VSTM2B: variants seen among roughly 807,000 people sequenced by gnomAD.
VSTM2B encodes the protein V-set and transmembrane domain containing 2B.
Under a neutral mutation model 24.0 loss-of-function variants are expected in VSTM2B, and 24 were observed. The ratio of observed to expected loss-of-function variants is 1.00; its 90% CI spans 0.72 to 1.40. The LOEUF (loss-of-function observed/expected upper bound fraction) is 1.40. VSTM2B is among the 40% of genes most tolerant of loss of function. The probability of loss-of-function intolerance (pLI) is 0.00; values close to 1 mark genes in which losing one functional copy is unlikely to be tolerated. For missense variants in VSTM2B, 399 were observed against 416.4 expected (o/e 0.96, Z 0.36); for synonymous variants, 226 against 194.4 (o/e 1.16, Z -1.35).
chr19:29,561,678 C>T (rs1226555653), intron 4 of VSTM2B, among the ~76,000 whole-genome samples: 1 of 152,134 alleles, frequency 6.6e-6, no homozygotes, highest in African/African-American at 2.4e-5. Context: ...CCCATGGGAC[C>T]AGTCTGGCTG....
At chr19:29,534,020 A>G (rs542087988) in intron 4 of VSTM2B, among the ~76,000 whole-genome samples, 1 of 152,332 alleles carries the variant, frequency 6.6e-6, no homozygotes, top group Admixed American at 6.5e-5. Flanking sequence ...AGAGGATATC[A>G]ACCAGGGTGC....
At chr19:29,529,385 C>A (rs888651783) in intron 3 of VSTM2B, among the ~76,000 whole-genome samples, 2 of 152,068 alleles carry the variant, frequency 1.3e-5, no homozygotes, top group African/African-American at 4.8e-5. Context: ...CCGGCTGGGG[C>A]GGGACTGTCG....
At chr19:29,553,397 G>A (rs1233548216) in intron 4 of VSTM2B, among the ~76,000 whole-genome samples, 1 of 152,170 alleles carries the variant, frequency 6.6e-6, no homozygotes, top group Non-Finnish European at 1.5e-5. Context: ...CAAACAAACA[G>A]AAAGCAACAA....
In VSTM2B at chr19:29,526,551, G is replaced by T; in HGVS notation, c.-33G>T. 2 of 1,485,078 alleles carry T rather than the reference G, an allele frequency of 1.3e-6. No homozygotes were observed. Among genetic ancestry groups the T allele is most frequent in the Non-Finnish European group, 8.9e-7 (1 of 1,119,820 alleles). The allele number at this position is 1,485,078 out of a possible 1,614,324, so 92.0% of individuals were successfully genotyped here. A position where few individuals can be genotyped will look rare whatever the true frequency, so the allele number is the denominator to read the frequency against. ...ACGCGGCCGCCGCCTCTCCGCTCCC[G>T]GGCCCCCGCCGCCACCGCGCCCCCC... On this transcript the variant is annotated 5_prime_UTR_variant, in exon 1 of 5. Transcript: ENST00000335523. This position sits in a 1 kb window ranked among gnomAD's most constrained non-coding sequence, Gnocchi z 4.1.
rs545823641 is a variant in VSTM2B at position 29,535,302 on chromosome 19, G to A, written c.769+5012G>A. ...AACACTTCTAAATGGAAAAGGCACCGCAGTAAAGTCTAGCGCGGCCTCAAA... is the reference window on the plus strand; with the variant it reads ...AACACTTCTAAATGGAAAAGGCACCACAGTAAAGTCTAGCGCGGCCTCAAA... On this transcript the variant is annotated intron_variant, in intron 4 of 4. Coordinates refer to ENST00000335523, the MANE Select transcript of VSTM2B (RefSeq NM_001146339.2). Among the ~76,000 whole-genome samples, 19 of 152,306 alleles carry A rather than the reference G, an allele frequency of 1.2e-4. No homozygotes were observed. The South Asian group carries it at 1.9e-3, about 15-fold the overall frequency.
chr19:29,545,993 G>C (rs539689383), intron 4 of VSTM2B, among the ~76,000 whole-genome samples: 1 of 152,150 alleles, frequency 6.6e-6, no homozygotes, highest in Non-Finnish European at 1.5e-5. Context: ...TGCTGCCCCC[G>C]CCCAGGTGAG....
intron 4 of VSTM2B, among the ~76,000 whole-genome samples, chr19:29,557,623 C>T (rs544638925): frequency 5.3e-4 from 80 of 151,364 alleles, no homozygotes; most frequent in African/African-American, 1.7e-3. Flanking sequence ...TGCTTGAACC[C>T]GGGAGGTGGA....
intron 4 of VSTM2B, among the ~76,000 whole-genome samples, chr19:29,531,967 G>A (rs531005851): frequency 2.0e-5 from 3 of 152,238 alleles, no homozygotes; most frequent in East Asian, 1.9e-4. Context: ...CATAGAGCCA[G>A]CAGACCAGTG....
At chr19:29,538,781 A>G (rs1222921212) in intron 4 of VSTM2B, among the ~76,000 whole-genome samples, 3 of 152,142 alleles carry the variant, frequency 2.0e-5, no homozygotes, top group Admixed American at 6.5e-5. Flanking sequence ...ACCAGCTGTC[A>G]TGTGAAGTAA....
At chr19:29,550,138 A>G (rs1970245241) in intron 4 of VSTM2B, among the ~76,000 whole-genome samples, 1 of 152,254 alleles carries the variant, frequency 6.6e-6, no homozygotes. Flanking sequence ...TGTTCTGACT[A>G]AAGATCTGTT....
intron 4 of VSTM2B, among the ~76,000 whole-genome samples, chr19:29,563,250 C>CT (rs5827658): frequency 0.58 from 84,340 of 144,672 alleles, 24,755 homozygotes; most frequent in Middle Eastern, 0.7. Flanking sequence ...AGCATATTGT[C>CT]TTTTTTTTTT....
chr19:29,563,811 G>A, intron 4 of VSTM2B, 35 bp from the exon 5 acceptor site: 1 of 1,538,384 alleles, frequency 6.5e-7, no homozygotes, highest in Non-Finnish European at 8.8e-7. Context: ...TTGAGACTCA[G>A]GTGTTAACCT....
chr19:29,531,230 G>T (rs1969751464), intron 4 of VSTM2B, among the ~76,000 whole-genome samples: 1 of 152,174 alleles, frequency 6.6e-6, no homozygotes, highest in South Asian at 2.1e-4. Context: ...GTGCCTGACT[G>T]TGAGCAGGTT....
At chr19:29,557,315 T>C (rs190822958) in intron 4 of VSTM2B, among the ~76,000 whole-genome samples, 20 of 152,346 alleles carry the variant, frequency 1.3e-4, no homozygotes, top group African/African-American at 4.6e-4. Context: ...TAATAAATGG[T>C]GCTGGGAAAA....
chr19:29,541,349 T>C (rs1480220012), intron 4 of VSTM2B, among the ~76,000 whole-genome samples: 1 of 152,030 alleles, frequency 6.6e-6, no homozygotes, highest in African/African-American at 2.4e-5. Context: ...CTTGGAATCA[T>C]TGGATGGATG....
chr19:29,526,613 C>A lies in VSTM2B; in HGVS notation c.30C>A (p.Leu10=). The A allele has an allele frequency of 2.0e-6, 3 of 1,529,918 alleles. No individual in the cohort carries two copies. Among genetic ancestry groups the A allele is most frequent in the Non-Finnish European group, 2.6e-6 (3 of 1,143,646 alleles). 94.8% of individuals were successfully genotyped at this position (1,529,918 alleles called of 1,614,324 possible). A position where few individuals can be genotyped will look rare whatever the true frequency, so the allele number is the denominator to read the frequency against. The change falls in exon 1 of 5, where the codon CTC becomes CTA. Residue 10 remains leucine (L), a synonymous_variant. Transcript: ENST00000335523. This position sits in a 1 kb window ranked among gnomAD's most constrained non-coding sequence, Gnocchi z 4.1. MEQRNRLGA[L]GYLPPLLLHA... ...AACAGCGGAACCGGCTCGGTGCCCT[C>A]GGATACCTGCCGCCTCTGCTGCTGC...
chr19:29,559,544 G>A (rs1373764262), intron 4 of VSTM2B, among the ~76,000 whole-genome samples: 1 of 152,126 alleles, frequency 6.6e-6, no homozygotes, highest in Non-Finnish European at 1.5e-5. Flanking sequence ...AACTACCATG[G>A]TACGTGTATA....
intron 4 of VSTM2B, among the ~76,000 whole-genome samples, chr19:29,539,628 C>A (rs1365101205): frequency 6.6e-6 from 1 of 152,204 alleles, no homozygotes; most frequent in Non-Finnish European, 1.5e-5. Context: ...AGGACATGTG[C>A]TGGTTCTTCC....
chr19:29,557,343 G>C (rs1283602653), intron 4 of VSTM2B, among the ~76,000 whole-genome samples: 1 of 152,204 alleles, frequency 6.6e-6, no homozygotes, highest in Non-Finnish European at 1.5e-5. Context: ...GCCATATGCA[G>C]AAAATTGAAA....
Sources: gnomAD v4.1 joint callset for allele counts (sites outside exome capture counted in the v4.1 genomes callset) on GRCh38, gnomAD v4.1.1 for gene constraint, Gnocchi (gnomAD v3.1) non-coding constraint, MANE v1.5 for transcripts, NCBI Gene and HGNC (gene_info 2026-07-23, HGNC 2026-07-21) for gene names.